Variants in MTSS1 observed in about 807,000 individuals in gnomAD.
The protein encoded by MTSS1 is MTSS I-BAR domain containing 1, also known as protein MTSS 1.
In MTSS1, 18 loss-of-function variants were observed where a neutral mutation model predicts 79.0. The observed-to-expected ratio is 0.23, with a 90% CI of 0.16 to 0.34. The LOEUF (loss-of-function observed/expected upper bound fraction) is 0.34. MTSS1 is among the 10% of genes least tolerant of loss of function. MTSS1 has a pLI of 1.00. For synonymous variants in MTSS1, 341 were observed against 368.6 expected (o/e 0.93, Z 0.86); for missense variants, 815 against 986.2 (o/e 0.83, Z 2.33).
chr8:124,718,798 T>C (rs1488035177), intron 1 of MTSS1, among the ~76,000 whole-genome samples: 1 of 152,126 alleles, frequency 6.6e-6, no homozygotes, highest in Non-Finnish European at 1.5e-5. Context: ...CAAACATGTG[T>C]CGTGTGGCTG....
chr8:124,696,634 T>C (rs897745518), intron 3 of MTSS1, among the ~76,000 whole-genome samples: 2 of 152,012 alleles, frequency 1.3e-5, no homozygotes, highest in Non-Finnish European at 2.9e-5. Context: ...AGGTAGATCA[T>C]GAGGTCAGGA....
At chr8:124,662,549 G>A (rs756609397) in intron 3 of MTSS1, among the ~76,000 whole-genome samples, 16 of 152,084 alleles carry the variant, frequency 1.1e-4, no homozygotes, top group Non-Finnish European at 1.2e-4. Context: ...CTCAGGATCC[G>A]GGCTCTGCCC....
intron 10 of MTSS1, among the ~76,000 whole-genome samples, chr8:124,558,243 A>G (rs530164564): frequency 6.6e-6 from 1 of 152,140 alleles, no homozygotes; most frequent in South Asian, 2.1e-4. Context: ...TAAAAATTCC[A>G]AAGCATCTTC....
chr8:124,580,424 G>A (rs913019803), intron 6 of MTSS1: 3 of 967,068 alleles, frequency 3.1e-6, no homozygotes, highest in South Asian at 1.5e-5. Flanking sequence ...AATTAGGTAG[G>A]CACAGTTGAT....
chr8:124,648,714 C>CCG (rs143431879), intron 3 of MTSS1, among the ~76,000 whole-genome samples: 2,302 of 151,964 alleles, frequency 0.015, 72 homozygotes, highest in African/African-American at 0.053. Context: ...TAGCAGCCCC[C>CCG]CCCCAGATAC....
At chr8:124,679,921 T>C (rs1373233318) in intron 3 of MTSS1, among the ~76,000 whole-genome samples, 1 of 152,234 alleles carries the variant, frequency 6.6e-6, no homozygotes, top group Non-Finnish European at 1.5e-5. Flanking sequence ...ATTATTCTCA[T>C]GTACCCACTA....
intron 3 of MTSS1, among the ~76,000 whole-genome samples, chr8:124,628,776 G>A (rs1815259538): frequency 2.0e-5 from 3 of 152,194 alleles, no homozygotes; most frequent in Non-Finnish European, 4.4e-5. Context: ...ACAACCCTCT[G>A]AGGCAATTCT....
intron 1 of MTSS1, among the ~76,000 whole-genome samples, chr8:124,723,399 T>C (rs1468471390): frequency 6.6e-6 from 1 of 152,206 alleles, no homozygotes; most frequent in Non-Finnish European, 1.5e-5. Flanking sequence ...GAATGACTTC[T>C]CTTGATTTGG....
At chr8:124,716,501 G>T (rs1436310193) in intron 1 of MTSS1, among the ~76,000 whole-genome samples, 1 of 152,130 alleles carries the variant, frequency 6.6e-6, no homozygotes, top group Non-Finnish European at 1.5e-5. Context: ...GACCCAGGGG[G>T]CACTCCCACT....
Position 124,699,566 on chromosome 8 carries a change from G to A in MTSS1, c.168C>T (p.Asp56=), listed in dbSNP as rs986703261. 8.7e-6 allele frequency: 14 copies of A among 1,614,160 alleles called. 1 individual carries two copies. Among genetic ancestry groups the A allele is most frequent in the South Asian group, 4.4e-5 (4 of 91,068 alleles). ...CCATGTCAGCCACTTTCTGAAAGGC[G>A]TCCAAGAAGGCAGCTGCTGCTACTA... ...TTVVAAAAFL[D]AFQKVADMAT... is the part of the protein sequence containing the mutation. Residue 56 remains aspartate, a synonymous_variant, in exon 3 of 14, where the codon GAC becomes GAT. Coordinates refer to ENST00000518547, the MANE Select transcript of MTSS1 (RefSeq NM_014751.6).
chr8:124,572,719 G>A, intron 6 of MTSS1, among the ~76,000 whole-genome samples: 1 of 151,064 alleles, frequency 6.6e-6, no homozygotes, highest in East Asian at 1.9e-4. Context: ...GAGCAGCCCT[G>A]GGCTACTTTC....
intron 3 of MTSS1, among the ~76,000 whole-genome samples, chr8:124,630,374 G>A (rs1179544175): frequency 1.3e-5 from 2 of 152,178 alleles, no homozygotes; most frequent in East Asian, 1.9e-4. Context: ...GGTGGGGGTG[G>A]GGTGGGAGCA....
intron 3 of MTSS1, among the ~76,000 whole-genome samples, chr8:124,635,807 G>A (rs565657274): frequency 1.7e-3 from 259 of 151,912 alleles, no homozygotes; most frequent in African/African-American, 6.0e-3. Context: ...TATGGCTCCC[G>A]GATTCCCAAT....
Position 124,597,810 on chromosome 8 carries a change from G to A in MTSS1, c.209-6575C>T, listed in dbSNP as rs115826309. Among the ~76,000 whole-genome samples, 445 of 152,346 alleles carry A rather than the reference G, an allele frequency of 2.9e-3. 3 individuals are homozygous for A. Among genetic ancestry groups the A allele is most frequent in the Middle Eastern group, 0.014 (4 of 294 alleles). On this transcript the variant is annotated intron_variant, in intron 3 of 13. Coordinates refer to ENST00000518547, the MANE Select transcript of MTSS1 (RefSeq NM_014751.6). The surrounding 1 kb of genome is among the most constrained non-coding windows in gnomAD (Gnocchi z 4.6). ...CTGTGCATCTCTGCTGTTCCCGAGA[G>A]CTGACATTGCTCGAAGGCTAATTAG...
Position 124,553,536 on chromosome 8 carries a change from G to T in MTSS1, c.1724C>A (p.Thr575Asn), listed in dbSNP as rs1300871310. 7 of 1,614,062 alleles carry T rather than the reference G, an allele frequency of 4.3e-6. No individual in the cohort carries two copies. The highest frequency in any genetic ancestry group is 5.9e-6 in the Non-Finnish European group (7 of 1,180,036). Residue 575 changes from threonine to asparagine, a missense_variant, in exon 14 of 14, where the codon ACC (threonine) becomes AAC (asparagine). Around this residue, in one of 2 missense-constraint regions of MTSS1, gnomAD observed 590 missense variants for 620.8 expected, o/e 0.95. Transcript: ENST00000518547. The surrounding 1 kb of genome is among the most constrained non-coding windows in gnomAD (Gnocchi z 6.0). ...AGTGACCATAGCAGGTCCCAGGGTG[G>T]TGGGGAGGCCAGCAGTTGAGGCTGG... Reference protein sequence around the residue: ...KRPASTAGLPTTLGPAMVTPG... With the variant: ...KRPASTAGLPNTLGPAMVTPG...
Position 124,606,821 on chromosome 8 carries a change from T to A in MTSS1, c.209-15586A>T, listed in dbSNP as rs537176122. Among the ~76,000 whole-genome samples, 4 of 152,330 alleles carry A rather than the reference T, an allele frequency of 2.6e-5. No homozygotes were observed. In the South Asian group the frequency reaches 8.3e-4, roughly 32 times the overall value. ...CCATGAGTTCAGGGTGGACATGTACTGTCAGGCTTCAGCAGGAATCACCTC... is the reference window on the plus strand; with the variant it reads ...CCATGAGTTCAGGGTGGACATGTACAGTCAGGCTTCAGCAGGAATCACCTC... On this transcript the variant is annotated intron_variant, in intron 3 of 13. Coordinates refer to ENST00000518547, the MANE Select transcript of MTSS1 (RefSeq NM_014751.6).
intron 3 of MTSS1, among the ~76,000 whole-genome samples, chr8:124,697,248 C>T (rs1171785817): frequency 1.5e-5 from 2 of 135,632 alleles, no homozygotes; most frequent in Admixed American, 1.5e-4. Flanking sequence ...AACAGTAGAG[C>T]AGCTTAAAAA....
At chr8:124,579,441 C>T (rs7009191) in intron 6 of MTSS1, among the ~76,000 whole-genome samples, 4,402 of 152,186 alleles carry the variant, frequency 0.029, 228 homozygotes, top group African/African-American at 0.099. Context: ...TAGATAGTGG[C>T]GATGGTTGCA....
At chr8:124,602,522 A>ACAAATTT (rs1455685410) in intron 3 of MTSS1, among the ~76,000 whole-genome samples, 2 of 152,126 alleles carry the variant, frequency 1.3e-5, no homozygotes, top group Admixed American at 1.3e-4. Flanking sequence ...AAGAAAGCTC[A>ACAAATTT]CAAATTTGTG....
Sources: allele counts gnomAD v4.1 joint callset (sites outside exome capture counted in the v4.1 genomes callset), GRCh38; gene constraint gnomAD v4.1.1; regional missense constraint gnomAD v4.1.1; non-coding constraint Gnocchi (gnomAD v3.1); transcripts MANE v1.5; gene names NCBI Gene and HGNC (gene_info 2026-07-23, HGNC 2026-07-21).